The following HDAC9 variants were observed in gnomAD, a reference collection of about 807,000 sequenced individuals.
HDAC9 encodes the protein histone deacetylase 9.
A neutral mutation model predicts 139.4 loss-of-function variants in HDAC9; 41 were observed. The ratio of observed to expected loss-of-function variants is 0.29; its 90% CI spans 0.23 to 0.38. The LOEUF is 0.38. HDAC9 is among the 10% of genes least tolerant of loss of function. HDAC9 has a pLI of 1.00. For missense variants in HDAC9, 1,147 were observed against 1,297.0 expected, an observed-to-expected ratio of 0.88 and a Z score of 1.78; for synonymous variants, 517 against 476.2, an observed-to-expected ratio of 1.09 and a Z score of -1.12.
intron 6 of HDAC9, among the ~76,000 whole-genome samples, chr7:18,602,102 T>G (rs1249412469): frequency 6.6e-6 from 1 of 152,114 alleles, no homozygotes; most frequent in Non-Finnish European, 1.5e-5. Context: ...TGCTTTCCTT[T>G]TTGGAAGGTT....
chr7:18,140,161 A>G (rs1785791003), intron 1 of HDAC9, among the ~76,000 whole-genome samples: 1 of 152,160 alleles, frequency 6.6e-6, no homozygotes, highest in African/African-American at 2.4e-5. Flanking sequence ...TAAAATTCAT[A>G]TCTTCCCAAA....
chr7:18,777,582 C>T (rs1790885677), intron 16 of HDAC9, among the ~76,000 whole-genome samples: 1 of 151,864 alleles, frequency 6.6e-6, no homozygotes, highest in Non-Finnish European at 1.5e-5. Flanking sequence ...GTCTGAATTC[C>T]AGGGTATTTT....
intron 25 of HDAC9, among the ~76,000 whole-genome samples, chr7:18,978,136 T>G (rs2129339358): frequency 6.6e-6 from 1 of 152,192 alleles, no homozygotes; most frequent in South Asian, 2.1e-4. Context: ...CACAGGAAAT[T>G]GAAAAATTAG....
chr7:18,435,059 C>CG lies in HDAC9; in HGVS notation c.-41-61203_-41-61202insG, dbSNP rs1554416084. 1.5e-4 allele frequency among the ~76,000 whole-genome samples: 10 copies of CG among 67,800 alleles called. No individual in the cohort carries two copies. The East Asian group carries it at 4.7e-3, about 32-fold the overall frequency. 44.5% of individuals were successfully genotyped at this position (67,800 alleles called of 152,430 possible). A position where few individuals can be genotyped will look rare whatever the true frequency, so the allele number is the denominator to read the frequency against. On this transcript the variant is annotated intron_variant, in intron 1 of 3. Transcript: ENST00000413509. ...TATACCCCATGAAATACTACACAGC[C>CG]AAAAAAAAAAAAAAAAAAAAAAGAA...
intron 22 of HDAC9, among the ~76,000 whole-genome samples, chr7:18,884,471 CT>C (rs1395663154): frequency 6.6e-6 from 1 of 152,064 alleles, no homozygotes; most frequent in Non-Finnish European, 1.5e-5. Flanking sequence ...ATAATTGGTG[CT>C]GGGAAAACTA....
chr7:18,849,321 A>G (rs1646496270), intron 21 of HDAC9, among the ~76,000 whole-genome samples: 1 of 152,214 alleles, frequency 6.6e-6, no homozygotes, highest in Admixed American at 6.5e-5. Flanking sequence ...AAGACAAAGA[A>G]AGAAAGGAAG....
intron 1 of HDAC9, among the ~76,000 whole-genome samples, chr7:18,426,930 G>A (rs1269241471): frequency 6.6e-6 from 1 of 152,138 alleles, no homozygotes; most frequent in African/African-American, 2.4e-5. Flanking sequence ...CTTAACAATA[G>A]CACTTTCAGG....
intron 1 of HDAC9, among the ~76,000 whole-genome samples, chr7:18,147,793 T>A (rs1022839334): frequency 1.3e-5 from 2 of 152,036 alleles, no homozygotes; most frequent in African/African-American, 4.8e-5. Flanking sequence ...TTCATAAATA[T>A]TACGATATTA....
intron 1 of HDAC9, among the ~76,000 whole-genome samples, chr7:18,453,636 G>A (rs1049355246): frequency 3.3e-5 from 5 of 152,098 alleles, no homozygotes; most frequent in African/African-American, 1.2e-4. Context: ...TAACTATTTA[G>A]TTTAGCTAGT....
intron 12 of HDAC9, among the ~76,000 whole-genome samples, chr7:18,697,315 T>C (rs1018385460): frequency 6.6e-6 from 1 of 152,188 alleles, no homozygotes; most frequent in Non-Finnish European, 1.5e-5. Flanking sequence ...TCCTTTTATT[T>C]TTTTTAAATC....
chr7:18,908,890 C>T (rs1477559203), intron 22 of HDAC9, among the ~76,000 whole-genome samples: 2 of 152,058 alleles, frequency 1.3e-5, no homozygotes, highest in African/African-American at 4.8e-5. Context: ...ATTCCCTCAA[C>T]ACATTGATTT....
intron 2 of HDAC9, among the ~76,000 whole-genome samples, chr7:18,194,499 G>A (rs1007675720): frequency 4.6e-5 from 7 of 151,956 alleles, no homozygotes; most frequent in African/African-American, 1.5e-4. Flanking sequence ...GAAATTTCCC[G>A]TTATCCCAAA....
chr7:18,842,357 C>G (rs551690846), intron 21 of HDAC9, among the ~76,000 whole-genome samples: 1 of 152,176 alleles, frequency 6.6e-6, no homozygotes, highest in Admixed American at 6.5e-5. Flanking sequence ...CAAATCCAGC[C>G]CACATTTTCT....
chr7:18,311,920 G>A (rs1483822622), intron 1 of HDAC9, among the ~76,000 whole-genome samples: 1 of 152,168 alleles, frequency 6.6e-6, no homozygotes, highest in Non-Finnish European at 1.5e-5. Flanking sequence ...ATTACTGTGG[G>A]GGGAAATGGC....
intron 22 of HDAC9, among the ~76,000 whole-genome samples, chr7:18,894,402 C>A (rs1035326888): frequency 6.6e-6 from 1 of 151,998 alleles, no homozygotes; most frequent in Non-Finnish European, 1.5e-5. Flanking sequence ...TGTCCTGTAG[C>A]CCAATGGAGG....
At chr7:18,646,950 A>G (rs1212375034) in intron 9 of HDAC9, among the ~76,000 whole-genome samples, 2 of 152,188 alleles carry the variant, frequency 1.3e-5, no homozygotes, top group African/African-American at 4.8e-5. Flanking sequence ...ATGAATTAAT[A>G]TAAAATGTTT....
At chr7:18,530,434 C>CA (rs1006932336) in intron 2 of HDAC9, among the ~76,000 whole-genome samples, 54 of 146,744 alleles carry the variant, frequency 3.7e-4, no homozygotes, top group African/African-American at 6.0e-4. Context: ...TGGTGTTGAA[C>CA]AAAAAAAAAA....
intron 1 of HDAC9, chr7:18,459,042 C>A: frequency 1.6e-6 from 1 of 635,374 alleles, no homozygotes; most frequent in Non-Finnish European, 2.8e-6. Context: ...AGTTTTGCCA[C>A]GGGCTACTGA....
chr7:18,928,819 T>C (rs1266631889), intron 22 of HDAC9, among the ~76,000 whole-genome samples: 2 of 146,806 alleles, frequency 1.4e-5, no homozygotes, highest in South Asian at 2.1e-4. Context: ...TTGATGATGA[T>C]CATTTATTTT....
Sources: gnomAD v4.1 joint callset for allele counts (sites outside exome capture counted in the v4.1 genomes callset) on GRCh38, gnomAD v4.1.1 for gene constraint, MANE v1.5 for transcripts, NCBI Gene and HGNC (gene_info 2026-07-23, HGNC 2026-07-21) for gene names.